Variants in MGAT4C observed in about 807,000 individuals in gnomAD.
The protein encoded by MGAT4C is MGAT4 family member C.
A neutral mutation model predicts 40.1 loss-of-function variants in MGAT4C; 19 were observed. The ratio of observed to expected loss-of-function variants is 0.47; its 90% confidence interval spans 0.33 to 0.70. The LOEUF (loss-of-function observed/expected upper bound fraction) is 0.70, where lower values mean the gene tolerates loss of function less well. Ranked by LOEUF, MGAT4C falls within the 30% of genes least tolerant of loss-of-function variation. MGAT4C has a pLI of 0.02. For missense variants in MGAT4C, 491 were observed against 563.2 expected, an observed-to-expected ratio of 0.87 and a Z score of 1.30; for synonymous variants, 181 against 187.1, an observed-to-expected ratio of 0.97 and a Z score of 0.27.
At chr12:86,789,591 A>G (rs930399417) in intron 1 of MGAT4C, among the ~76,000 whole-genome samples, 1 of 152,096 alleles carries the variant, frequency 6.6e-6, no homozygotes, top group African/African-American at 2.4e-5. Context: ...AGGAAAGATA[A>G]ATACATGTTT....
At chr12:86,782,428 G>A (rs952930646) in intron 1 of MGAT4C, among the ~76,000 whole-genome samples, 5 of 151,748 alleles carry the variant, frequency 3.3e-5, no homozygotes, top group Admixed American at 6.6e-5. Context: ...TGATCCTCCC[G>A]CCTCGGCCTC....
chr12:86,317,965 T>C (rs915267995), intron 4 of MGAT4C, among the ~76,000 whole-genome samples: 1 of 151,872 alleles, frequency 6.6e-6, no homozygotes, highest in Non-Finnish European at 1.5e-5. Context: ...TCCATGTTTA[T>C]CTTATGTTAA....
intron 1 of MGAT4C, among the ~76,000 whole-genome samples, chr12:86,188,068 T>G (rs1888974288): frequency 6.6e-6 from 1 of 152,042 alleles, no homozygotes; most frequent in African/African-American, 2.4e-5. Context: ...AGTAAATTCC[T>G]TTTAGTAGAG....
At chr12:86,803,106 T>C (rs918906558) in intron 1 of MGAT4C, among the ~76,000 whole-genome samples, 3 of 146,736 alleles carry the variant, frequency 2.0e-5, no homozygotes, top group East Asian at 2.0e-4. Flanking sequence ...TCATAAATAA[T>C]GCCGCATACC....
At chr12:86,421,282 C>A (rs962290866) in intron 3 of MGAT4C, among the ~76,000 whole-genome samples, 1 of 152,036 alleles carries the variant, frequency 6.6e-6, no homozygotes. Context: ...ATTGTTCTAC[C>A]CCTTGCTGGT....
chr12:86,487,991 A>C (rs745730605), intron 2 of MGAT4C, among the ~76,000 whole-genome samples: 1 of 152,192 alleles, frequency 6.6e-6, no homozygotes, highest in Non-Finnish European at 1.5e-5. Context: ...GATTGAAACT[A>C]TAAGAGCGTT....
intron 2 of MGAT4C, among the ~76,000 whole-genome samples, chr12:86,700,905 T>C (rs1352835739): frequency 6.6e-6 from 1 of 152,114 alleles, no homozygotes; most frequent in African/African-American, 2.4e-5. Flanking sequence ...GTAGAGAATT[T>C]CCTCAATCTT....
intron 2 of MGAT4C, among the ~76,000 whole-genome samples, chr12:86,628,256 C>T (rs953864174): frequency 2.0e-5 from 3 of 152,078 alleles, no homozygotes; most frequent in Non-Finnish European, 2.9e-5. Context: ...GTGAAAAGAC[C>T]GAATCTACAT....
In MGAT4C at chr12:85,968,976, A is replaced by C. The variant is rs936238316; in HGVS notation, c.*10313T>G. 3 of 151,840 alleles carry C rather than the reference A, an allele frequency of 2.0e-5. No homozygotes were observed. Among genetic ancestry groups the C allele is most frequent in the Non-Finnish European group, 4.4e-5 (3 of 67,820 alleles). The allele number at this position is 151,840 out of a possible 1,614,324, so 9.4% of individuals were successfully genotyped here. On this transcript the variant is annotated 3_prime_UTR_variant, in exon 5 of 5. Transcript: ENST00000611864. ...CACTGAAGTAGCAATAATAATAGTCATTTCTGTTTTAATACTTCATAGACT... is the reference window on the plus strand; with the variant it reads ...CACTGAAGTAGCAATAATAATAGTCCTTTCTGTTTTAATACTTCATAGACT...
intron 3 of MGAT4C, among the ~76,000 whole-genome samples, chr12:86,366,105 T>A (rs1270897357): frequency 6.6e-6 from 1 of 152,212 alleles, no homozygotes; most frequent in Non-Finnish European, 1.5e-5. Flanking sequence ...CAGTTTCACA[T>A]CCTTGATTAG....
chr12:86,700,134 TAGATAGACAGAC>T (rs1202590909), intron 2 of MGAT4C, among the ~76,000 whole-genome samples: 252 of 120,530 alleles, frequency 2.1e-3, no homozygotes, highest in South Asian at 5.9e-3. Flanking sequence ...ATAATGTAGA[TAGATAGACAGAC>T]AGACAGACAG....
intron 2 of MGAT4C, among the ~76,000 whole-genome samples, chr12:86,511,479 C>T (rs563801474): frequency 1.1e-4 from 17 of 152,052 alleles, no homozygotes; most frequent in East Asian, 3.9e-4. Context: ...GTCCAGTGTT[C>T]GTATATAAAA....
In MGAT4C at chr12:86,648,651, T is replaced by A. The variant is rs540126417; in HGVS notation, c.-229+78558A>T. Reference sequence around the variant, plus strand: ...GAGGGAGTTGAATAGATAGGCACCTTGATCTTGAACGTCCCGGACTCCTGA... The same window carrying A: ...GAGGGAGTTGAATAGATAGGCACCTAGATCTTGAACGTCCCGGACTCCTGA... On this transcript the variant is annotated intron_variant, in intron 2 of 7. Transcript: ENST00000548651. Among the ~76,000 whole-genome samples the A allele has an allele frequency of 8.6e-5, 13 of 152,018 alleles. No homozygotes were observed. The East Asian group carries it at 2.3e-3, about 27-fold the overall frequency.
chr12:86,797,503 C>T (rs1390468403), intron 1 of MGAT4C, among the ~76,000 whole-genome samples: 20 of 151,632 alleles, frequency 1.3e-4, no homozygotes, highest in Non-Finnish European at 1.5e-5. Context: ...TTCAATTCAA[C>T]TATTAAAAAT....
intron 3 of MGAT4C, among the ~76,000 whole-genome samples, chr12:86,391,187 A>G (rs1020905650): frequency 6.6e-6 from 1 of 152,192 alleles, no homozygotes; most frequent in South Asian, 2.1e-4. Flanking sequence ...AAAGGCAGTT[A>G]AAGAGTGTGA....
rs1055928253 is a variant in MGAT4C, at chr12:86,783,322, T to C, written c.-262+55344A>G. Among the ~76,000 whole-genome samples, 4 of 152,192 alleles carry C rather than the reference T, an allele frequency of 2.6e-5. No homozygotes were observed. The South Asian group carries it at 8.3e-4, about 32-fold the overall frequency. ...TGACAAAGGGAAATACTTATTAGTA[T>C]GAATGTCATATATTTACACAGTTTG... On this transcript the variant is annotated intron_variant, in intron 1 of 7. Coordinates refer to the MGAT4C transcript ENST00000548651.
At chr12:86,127,586 C>T (rs1880492598) in intron 1 of MGAT4C, among the ~76,000 whole-genome samples, 1 of 152,098 alleles carries the variant, frequency 6.6e-6, no homozygotes, top group Admixed American at 6.5e-5. Flanking sequence ...AATTTTTTGG[C>T]TCTTTTATAA....
At chr12:86,774,299 C>CTTTTTCTTTCTT (rs142126894) in intron 1 of MGAT4C, among the ~76,000 whole-genome samples, 1 of 78,244 alleles carries the variant, frequency 1.3e-5, no homozygotes, top group Non-Finnish European at 2.7e-5. Context: ...TTCTTTCTTT[C>CTTTTTCTTTCTT]TTTCTTTCTT....
At chr12:86,536,949 C>T (rs1420768553) in intron 2 of MGAT4C, among the ~76,000 whole-genome samples, 1 of 152,044 alleles carries the variant, frequency 6.6e-6, no homozygotes, top group East Asian at 1.9e-4. Flanking sequence ...TTCACAATAG[C>T]AAAGACTTGG....
Sources: allele counts gnomAD v4.1 joint callset (sites outside exome capture counted in the v4.1 genomes callset), GRCh38; gene constraint gnomAD v4.1.1; transcripts MANE v1.5; gene names NCBI Gene and HGNC (gene_info 2026-07-23, HGNC 2026-07-21).